Variants in GRM3 observed in about 807,000 individuals in gnomAD.
GRM3 encodes the protein glutamate metabotropic receptor 3, also known as metabotropic glutamate receptor 3.
In GRM3, 26 loss-of-function variants were observed where a neutral mutation model predicts 70.5. The observed-to-expected ratio is 0.37, with a 90% CI of 0.27 to 0.51. The LOEUF is 0.51. Ranked by LOEUF, GRM3 falls within the 20% of genes least tolerant of loss-of-function variation. The pLI, the probability that GRM3 is intolerant of heterozygous loss-of-function variation, is 0.93. For synonymous variants in GRM3, 443 were observed against 434.9 expected (o/e 1.02, Z -0.23); for missense variants, 859 against 1,123.8 (o/e 0.76, Z 3.37).
intron 1 of GRM3, among the ~76,000 whole-genome samples, chr7:86,753,380 G>A (rs1400215268): frequency 6.6e-6 from 1 of 152,138 alleles, no homozygotes; most frequent in African/African-American, 2.4e-5. Flanking sequence ...ACATCATGAA[G>A]TAGATTCAAA....
chr7:86,735,058 A>G (rs1035106638), intron 1 of GRM3, among the ~76,000 whole-genome samples: 3 of 152,220 alleles, frequency 2.0e-5, no homozygotes, highest in Admixed American at 6.5e-5. Context: ...CTTTATTTGC[A>G]TATGAAGCTG....
chr7:86,652,669 G>T (rs1466241464), intron 1 of GRM3, among the ~76,000 whole-genome samples: 3 of 152,170 alleles, frequency 2.0e-5, no homozygotes, highest in African/African-American at 7.2e-5. Context: ...TATGGAAAAT[G>T]CTGGAACATT....
intron 1 of GRM3, among the ~76,000 whole-genome samples, chr7:86,707,948 C>T (rs1461541053): frequency 6.6e-6 from 1 of 152,058 alleles, no homozygotes; most frequent in Non-Finnish European, 1.5e-5. Flanking sequence ...GAAAAAGGTA[C>T]TGTCATGATT....
At chr7:86,798,889 C>G (rs570226253) in intron 3 of GRM3, among the ~76,000 whole-genome samples, 6 of 152,030 alleles carry the variant, frequency 3.9e-5, no homozygotes, top group Non-Finnish European at 7.4e-5. Context: ...TTGCCTGACA[C>G]CACGTTTATG....
At chr7:86,770,171 T>C (rs750454519) in intron 2 of GRM3, among the ~76,000 whole-genome samples, 12 of 152,170 alleles carry the variant, frequency 7.9e-5, no homozygotes, top group Non-Finnish European at 1.2e-4. Flanking sequence ...TCAGTTTTTC[T>C]TGCCTAGATG....
At chr7:86,706,536 CTGA>C (rs1253058872) in intron 1 of GRM3, among the ~76,000 whole-genome samples, 1 of 151,930 alleles carries the variant, frequency 6.6e-6, no homozygotes, top group Non-Finnish European at 1.5e-5. Flanking sequence ...GGGCAGTATG[CTGA>C]TGTGCAAGTG....
intron 1 of GRM3, among the ~76,000 whole-genome samples, chr7:86,710,849 G>T (rs113497885): frequency 6.6e-6 from 1 of 151,864 alleles, no homozygotes; most frequent in Admixed American, 6.6e-5. Context: ...AAACCAAAAG[G>T]TAGATTGTTA....
At chr7:86,735,293 G>A (rs1016680172) in intron 1 of GRM3, among the ~76,000 whole-genome samples, 1 of 152,062 alleles carries the variant, frequency 6.6e-6, no homozygotes, top group Non-Finnish European at 1.5e-5. Context: ...AATGCTCTAT[G>A]CAAAACATTT....
Position 86,787,133 on chromosome 7 carries a change from T to C in GRM3, c.1324+17T>C. ...ACTTCACGGGTAAGCCAAGAGCCTT[T>C]AAACATCTTCTCAGATGCAAACAAG... is the stretch of plus-strand genomic sequence containing the variant. On this transcript the variant is annotated intron_variant, in intron 3 of 5. Coordinates refer to ENST00000361669, the MANE Select transcript of GRM3 (RefSeq NM_000840.3). 6.3e-7 allele frequency: 1 copy of C among 1,578,180 alleles called. No homozygotes were observed. The highest frequency in any genetic ancestry group is 8.6e-7 in the Non-Finnish European group (1 of 1,158,700).
chr7:86,655,837 TGTGTGTGTGTGTGTGGGTGGGTGG>T (rs1330958115), intron 1 of GRM3, among the ~76,000 whole-genome samples: 1 of 133,866 alleles, frequency 7.5e-6, no homozygotes, highest in African/African-American at 3.0e-5. Context: ...TGTGTGTGTG[TGTGTGTGTGTGTGTGGGTGGGTGG>T]GTGTGTGTGT....
chr7:86,837,032 G>A (rs1294676706), intron 3 of GRM3, among the ~76,000 whole-genome samples: 1 of 152,160 alleles, frequency 6.6e-6, no homozygotes, highest in East Asian at 1.9e-4. Context: ...GTGAAGTGTG[G>A]TAGAAAGGAG....
At chr7:86,684,596 G>A (rs1051860768) in intron 1 of GRM3, among the ~76,000 whole-genome samples, 34 of 152,082 alleles carry the variant, frequency 2.2e-4, no homozygotes, top group African/African-American at 7.7e-4. Context: ...AAAATTCTAA[G>A]AAAATGTGTC....
chr7:86,787,248 A>T, intron 3 of GRM3, 132 bp downstream of exon 3: 2 of 734,082 alleles, frequency 2.7e-6, no homozygotes, highest in East Asian at 2.5e-5. Context: ...TTAACCAAAT[A>T]TTCCAGGATG....
At chr7:86,669,096 C>T (rs908405534) in intron 1 of GRM3, among the ~76,000 whole-genome samples, 1 of 152,090 alleles carries the variant, frequency 6.6e-6, no homozygotes, top group Non-Finnish European at 1.5e-5. Context: ...CTCAAGCAAC[C>T]TACAGAAAAT....
chr7:86,845,710 C>A (rs994904116), intron 4 of GRM3, among the ~76,000 whole-genome samples: 16 of 152,134 alleles, frequency 1.1e-4, no homozygotes, highest in Admixed American at 2.6e-4. Flanking sequence ...AGTGAGAGAG[C>A]AGCTCCTTGC....
At chr7:86,716,014 G>A (rs954615937) in intron 1 of GRM3, among the ~76,000 whole-genome samples, 12 of 151,950 alleles carry the variant, frequency 7.9e-5, no homozygotes, top group African/African-American at 1.9e-4. Flanking sequence ...AACCACCTAC[G>A]TGGTACTTTT....
intron 3 of GRM3, among the ~76,000 whole-genome samples, chr7:86,816,331 G>A (rs999992928): frequency 1.3e-5 from 2 of 151,750 alleles, no homozygotes; most frequent in Non-Finnish European, 2.9e-5. Flanking sequence ...TACATGTGCA[G>A]ATTTATTACA....
chr7:86,795,271 TTA>T (rs1797522236), intron 3 of GRM3, among the ~76,000 whole-genome samples: 1 of 146,008 alleles, frequency 6.8e-6, no homozygotes, highest in Non-Finnish European at 1.5e-5. Flanking sequence ...TTATTTTATT[TTA>T]TTTTATTTTA....
At chr7:86,803,878 G>A (rs1009719575) in intron 3 of GRM3, among the ~76,000 whole-genome samples, 2 of 152,090 alleles carry the variant, frequency 1.3e-5, no homozygotes, top group Non-Finnish European at 2.9e-5. Flanking sequence ...TTTAGTAATC[G>A]TTGTGAAGAT....
Sources: allele counts gnomAD v4.1 joint callset (sites outside exome capture counted in the v4.1 genomes callset), GRCh38; gene constraint gnomAD v4.1.1; transcripts MANE v1.5; gene names NCBI Gene and HGNC (gene_info 2026-07-23, HGNC 2026-07-21).